The following CCDC157 variants were observed in gnomAD, a reference collection of about 807,000 sequenced individuals.
CCDC157 encodes the protein coiled-coil domain containing 157.
CCDC157 carries 60 observed loss-of-function variants against 70.9 expected under a neutral mutation model. The observed-to-expected ratio is 0.85, with a 90% CI of 0.69 to 1.05. CCDC157 has a LOEUF of 1.05. Ranked by LOEUF, CCDC157 falls within the 50% of genes least tolerant of loss-of-function variation. The pLI is 0.00. For synonymous variants in CCDC157, 373 were observed against 422.4 expected (o/e 0.88, Z 1.43); for missense variants, 943 against 984.2 (o/e 0.96, Z 0.56).
chr22:30,368,660 G>C (rs974104253), intron 3 of CCDC157, among the ~76,000 whole-genome samples: 4 of 152,290 alleles, frequency 2.6e-5, no homozygotes, highest in African/African-American at 9.6e-5. Context: ...GGGCCTTGGA[G>C]GCAGTTGGCA....
At chr22:30,365,691 A>G (rs774111845) in intron 2 of CCDC157, among the ~76,000 whole-genome samples, 4 of 152,162 alleles carry the variant, frequency 2.6e-5, no homozygotes, top group Non-Finnish European at 5.9e-5. Flanking sequence ...GTTCTTGTTC[A>G]TAGCTGTATC....
chr22:30,364,373 C>T (rs958802907), intron 2 of CCDC157, among the ~76,000 whole-genome samples: 1 of 151,938 alleles, frequency 6.6e-6, no homozygotes, highest in Non-Finnish European at 1.5e-5. Context: ...AAAGAAAAGA[C>T]AAATTTAAGG....
At chr22:30,369,645 C>CT (rs976683704) in intron 4 of CCDC157, 42 bp downstream of exon 4, 1 of 1,422,464 alleles carries the variant, frequency 7.0e-7, no homozygotes, top group Non-Finnish European at 9.2e-7. Context: ...GCCTCAGCCT[C>CT]TATCTCCCCA....
chr22:30,362,923 C>T (rs543934711), intron 2 of CCDC157, among the ~76,000 whole-genome samples: 1 of 152,238 alleles, frequency 6.6e-6, no homozygotes, highest in African/African-American at 2.4e-5. Context: ...TCAGCCAGCC[C>T]TGGACTTGCT....
In CCDC157 at chr22:30,378,294, G is replaced by T; in HGVS notation, c.*1549G>T. 2.6e-6 allele frequency: 1 copy of T among 386,016 alleles called. No individual in the cohort carries two copies. 23.9% of individuals were successfully genotyped at this position (386,016 alleles called of 1,614,324 possible). On this transcript the variant is annotated 3_prime_UTR_variant, in exon 12 of 12. Coordinates refer to ENST00000338306, the MANE Select transcript of CCDC157 (RefSeq NM_001017437.5). ...CACTCAAATACTTTCCCTATCTTCAGGTCAGCTTGCTATAAGACAGAACCC... is the reference window on the plus strand; with the variant it reads ...CACTCAAATACTTTCCCTATCTTCATGTCAGCTTGCTATAAGACAGAACCC...
chr22:30,359,979 T>C (rs187752947), intron 1 of CCDC157, among the ~76,000 whole-genome samples: 1 of 151,976 alleles, frequency 6.6e-6, no homozygotes, highest in African/African-American at 2.4e-5. Context: ...TCTCTGTCTT[T>C]ACAAAAAACA....
At position 30,365,824 on chromosome 22, in the gene CCDC157, C is replaced by G. The variant is rs900384802; in HGVS notation, c.-11-166C>G. The G allele has an allele frequency of 2.4e-5, 16 of 653,374 alleles. No homozygotes were observed. The Admixed American group carries it at 4.6e-4, about 19-fold the overall frequency. The allele number at this position is 653,374 out of a possible 1,614,324, so 40.5% of individuals were successfully genotyped here. ...AGAGGCTGGTAAGGCCACCCAGAAC[C>G]GGGTCGGAAAGGCCTTGTCACCTGG... On this transcript the variant is annotated intron_variant, in intron 2 of 11. Transcript: ENST00000338306.
rs140214029 is a variant in CCDC157, at chr22:30,370,546, T to C, written c.641T>C (p.Ile214Thr). 5.4e-5 allele frequency: 87 copies of C among 1,614,058 alleles called. 1 individual carries two copies. Among genetic ancestry groups the C allele is most frequent in the Non-Finnish European group, 6.5e-5 (77 of 1,180,034 alleles). Residue 214 changes from isoleucine to threonine, a missense_variant, in exon 5 of 12, where the codon ATT becomes ACT. By Grantham distance (89) the Ile-to-Thr change is moderately conservative (BLOSUM62 -1). Coordinates refer to ENST00000338306, the MANE Select transcript of CCDC157 (RefSeq NM_001017437.5). ...KNTRSVHSQT[I>T]ETALVPCDAC... ...ACCAGGAGTGTCCACTCCCAGACCA[T>C]TGAGACGGCCCTGGTGCCCTGTGAC...
Position 30,372,250 on chromosome 22 carries a change from G to A in CCDC157, c.1299G>A (p.Glu433=). The A allele has an allele frequency of 1.3e-6, 2 of 1,594,552 alleles. No homozygotes were observed. The highest frequency in any genetic ancestry group is 1.8e-4 in the Middle Eastern group (1 of 5,532). Residue 433 remains glutamate (E), a synonymous_variant, in exon 7 of 12, where the codon GAG becomes GAA. Coordinates refer to ENST00000338306, the MANE Select transcript of CCDC157 (RefSeq NM_001017437.5). ...GGGCCAGCACGGAGCTGGATAAGGA[G>A]AAGGCCCGTGTCGACAGCATGGTCC... is the stretch of plus-strand genomic sequence containing the variant. ...VCWASTELDK[E]KARVDSMVRH...
chr22:30,356,866 CG>C, upstream of CCDC157: 1 of 1,213,822 alleles, frequency 8.2e-7, no homozygotes, highest in Non-Finnish European at 1.0e-6. Flanking sequence ...CCTCCCCGCT[CG>C]GTCAGTACGA....
intron 9 of CCDC157, chr22:30,375,217 A>G (rs1933263026): frequency 7.8e-6 from 3 of 385,256 alleles, no homozygotes; most frequent in Non-Finnish European, 9.5e-6. Context: ...TGGGCCTCCC[A>G]AAGTGCTGGG....
chr22:30,370,035 G>A (rs1932865331), intron 4 of CCDC157: 1 of 527,904 alleles, frequency 1.9e-6, no homozygotes, highest in South Asian at 2.3e-5. Flanking sequence ...CAAGAGCCCA[G>A]TAACCAGCAG....
In CCDC157 at chr22:30,370,541, G is replaced by C; in HGVS notation, c.636G>C (p.Gln212His). 6.2e-7 allele frequency: 1 copy of C among 1,614,064 alleles called. No individual in the cohort carries two copies. The highest frequency in any genetic ancestry group is 8.5e-7 in the Non-Finnish European group (1 of 1,180,050). ...AGAACACCAGGAGTGTCCACTCCCA[G>C]ACCATTGAGACGGCCCTGGTGCCCT... ...TFKNTRSVHS[Q>H]TIETALVPCD... The change falls in exon 5 of 12, where the codon CAG becomes CAC. Residue 212 changes from glutamine to histidine, a missense_variant. Gln to His is a conservative substitution (Grantham distance 24, BLOSUM62 0). Coordinates refer to ENST00000338306, the MANE Select transcript of CCDC157 (RefSeq NM_001017437.5).
intron 1 of CCDC157, among the ~76,000 whole-genome samples, chr22:30,359,167 G>T (rs749201238): frequency 6.6e-6 from 1 of 152,290 alleles, no homozygotes; most frequent in Non-Finnish European, 1.5e-5. Flanking sequence ...CAGGTTGGGG[G>T]CTTCTTGATT....
Position 30,370,669 on chromosome 22 carries a change from A to T in CCDC157, c.764A>T (p.Gln255Leu). 6.2e-7 allele frequency: 1 copy of T among 1,613,868 alleles called. No individual in the cohort carries two copies. The highest frequency in any genetic ancestry group is 8.5e-7 in the Non-Finnish European group (1 of 1,179,958). Residue 255 changes from glutamine (Q) to leucine (L), a missense_variant, in exon 5 of 12, where the codon CAG becomes CTG. By Grantham distance (113) the Gln-to-Leu change is moderately radical (BLOSUM62 -2). Transcript: ENST00000338306. ...QNLPSSLGQF[Q>L]QLVQDSMGLR... is the part of the protein sequence containing the mutation. Reference sequence around the variant, plus strand: ...CTGCCCTCGTCCTTAGGCCAGTTCCAGCAACTGGTGCAGGACAGCATGGGG... The same window carrying T: ...CTGCCCTCGTCCTTAGGCCAGTTCCTGCAACTGGTGCAGGACAGCATGGGG...
chr22:30,370,771 A>T lies in CCDC157; in HGVS notation c.866A>T (p.His289Leu). The change falls in exon 5 of 12, where the codon CAT becomes CTT. Residue 289 changes from histidine to leucine, a missense_variant. By Grantham distance (99) the His-to-Leu change is moderately conservative. Coordinates refer to ENST00000338306, the MANE Select transcript of CCDC157 (RefSeq NM_001017437.5). ...QRKDLTRLSK[H>L]VEALRAQLEE... ...AAAGACCTGACGCGCCTCAGTAAGC[A>T]TGTGGAGGCCCTCAGGGCCCAGCTG... 1 of 1,613,598 alleles carries T rather than the reference A, an allele frequency of 6.2e-7. No individual in the cohort carries two copies. The highest frequency in any genetic ancestry group is 8.5e-7 in the Non-Finnish European group (1 of 1,179,990).
Position 30,375,469 on chromosome 22 carries a change from T to G in CCDC157, c.1673-10T>G. On this transcript the variant is annotated splice_polypyrimidine_tract_variant and intron_variant, in intron 9 of 11. Transcript: ENST00000338306. ...GCCTCCCTTCTAAGGTCCTGTCCCA[T>G]TGGGCACAGGAGGCAGATCCAGCAG... 1.9e-6 allele frequency: 3 copies of G among 1,613,658 alleles called. No homozygotes were observed. Among genetic ancestry groups the G allele is most frequent in the Non-Finnish European group, 2.5e-6 (3 of 1,179,792 alleles).
At position 30,375,469 on chromosome 22, in the gene CCDC157, T is replaced by A. The variant is rs1002189; in HGVS notation, c.1673-10T>A. Reference sequence around the variant, plus strand: ...GCCTCCCTTCTAAGGTCCTGTCCCATTGGGCACAGGAGGCAGATCCAGCAG... The same window carrying A: ...GCCTCCCTTCTAAGGTCCTGTCCCAATGGGCACAGGAGGCAGATCCAGCAG... On this transcript the variant is annotated splice_polypyrimidine_tract_variant and intron_variant, in intron 9 of 11. Coordinates refer to ENST00000338306, the MANE Select transcript of CCDC157 (RefSeq NM_001017437.5). 3.7e-6 allele frequency: 6 copies of A among 1,613,572 alleles called. No homozygotes were observed. Among genetic ancestry groups the A allele is most frequent in the Non-Finnish European group, 5.1e-6 (6 of 1,179,812 alleles).
chr22:30,356,859 C>A, upstream of CCDC157: 4 of 1,243,308 alleles, frequency 3.2e-6, no homozygotes, highest in South Asian at 7.6e-5. Flanking sequence ...AAGACAGCCT[C>A]CCCGCTCGGT....
Sources: gnomAD v4.1 joint callset for allele counts (sites outside exome capture counted in the v4.1 genomes callset) on GRCh38, gnomAD v4.1.1 for gene constraint, MANE v1.5 for transcripts, NCBI Gene and HGNC (gene_info 2026-07-23, HGNC 2026-07-21) for gene names.